Variants in MYCBP2 observed in about 807,000 individuals in gnomAD.
MYCBP2 encodes E3 ubiquitin-protein ligase MYCBP2.
MYCBP2 carries 120 observed loss-of-function variants against 525.3 expected under a neutral mutation model. The ratio of observed to expected loss-of-function variants is 0.23; its 90% CI spans 0.20 to 0.27. The LOEUF (loss-of-function observed/expected upper bound fraction) is 0.27. MYCBP2 is among the 10% of genes least tolerant of loss of function. The pLI is 1.00. For missense variants in MYCBP2, 4,149 were observed against 5,657.1 expected (o/e 0.73, Z 8.55); for synonymous variants, 1,894 against 1,955.8 (o/e 0.97, Z 0.83).
At chr13:77,124,557 T>C (rs2051323226) in intron 54 of MYCBP2, among the ~76,000 whole-genome samples, 1 of 152,202 alleles carries the variant, frequency 6.6e-6, no homozygotes, top group South Asian at 2.1e-4. Flanking sequence ...GCAACTAGTA[T>C]GTGTCAAAAC....
chr13:77,130,826 A>T (rs1448164214), intron 52 of MYCBP2, among the ~76,000 whole-genome samples: 1 of 152,174 alleles, frequency 6.6e-6, no homozygotes, highest in African/African-American at 2.4e-5. Context: ...TTATTCTAGT[A>T]TTAAAGTAAC....
chr13:77,083,776 A>C (rs972255482), intron 62 of MYCBP2, among the ~76,000 whole-genome samples: 3 of 152,106 alleles, frequency 2.0e-5, no homozygotes, highest in African/African-American at 7.2e-5. Context: ...TTTTGAGTAG[A>C]TAACACACAT....
At chr13:77,062,787 G>T in intron 73 of MYCBP2, 90 bp from the exon 74 acceptor site, 1 of 1,005,468 alleles carries the variant, frequency 9.9e-7, no homozygotes, top group Admixed American at 2.0e-5. Flanking sequence ...CTCAATAAAT[G>T]CTGGCTGATT....
intron 26 of MYCBP2, among the ~76,000 whole-genome samples, chr13:77,200,687 G>A (rs1056366825): frequency 1.7e-4 from 26 of 152,214 alleles, no homozygotes; most frequent in South Asian, 6.2e-4. Context: ...GACTAACAGC[G>A]GATCTCTCAG....
At chr13:77,152,031 T>C (rs1288624464) in intron 46 of MYCBP2, among the ~76,000 whole-genome samples, 1 of 152,118 alleles carries the variant, frequency 6.6e-6, no homozygotes, top group Non-Finnish European at 1.5e-5. Flanking sequence ...GTCACAGAAA[T>C]AGAAAAAGTG....
At chr13:77,091,525 T>G (rs1184744105) in intron 59 of MYCBP2, among the ~76,000 whole-genome samples, 1 of 152,110 alleles carries the variant, frequency 6.6e-6, no homozygotes, top group Non-Finnish European at 1.5e-5. Context: ...ATGGCTACCC[T>G]GAGCCAGGTA....
At chr13:77,246,382 T>G (rs1042367326) in intron 15 of MYCBP2, among the ~76,000 whole-genome samples, 6 of 151,280 alleles carry the variant, frequency 4.0e-5, no homozygotes, top group African/African-American at 1.2e-4. Context: ...TCCAAAAAAC[T>G]GAAGAGGAGA....
rs1159339613 is a variant in MYCBP2 at position 77,273,619 on chromosome 13, C to T, written c.798G>A (p.Met266Ile). The T allele has an allele frequency of 1.9e-6, 3 of 1,579,270 alleles. No individual in the cohort carries two copies. The highest frequency in any genetic ancestry group is 2.4e-5 in the South Asian group (2 of 84,428). ...TTAAGGACTGTCCTGTGCTGTCATT[C>T]ATCCCAGTACTTCGAACGGTGATTT... ...LLEITVRSTG[M>I]NDSTGQSLTA... Residue 266 changes from methionine (M) to isoleucine (I), a missense_variant, in exon 5 of 83, where the codon ATG (methionine) becomes ATA (isoleucine). Met to Ile is a conservative substitution (Grantham distance 10). Transcript: ENST00000544440.
intron 50 of MYCBP2, among the ~76,000 whole-genome samples, chr13:77,140,445 ATTTC>A (rs1566678339): frequency 6.6e-6 from 1 of 152,160 alleles, no homozygotes. Context: ...GATAAAAACC[ATTTC>A]TTTCTGTTAG....
At position 77,326,856 on chromosome 13, in the gene MYCBP2, C is replaced by G; in HGVS notation, c.-81G>C. ...ACGCGCGCGCACACACAGCCCTTTT[C>G]CAACGACGACGGCTCCGGCGGCGGC... On this transcript the variant is annotated 5_prime_UTR_variant, in exon 1 of 83. Coordinates refer to ENST00000544440, the MANE Select transcript of MYCBP2 (RefSeq NM_015057.5). This position sits in a 1 kb window ranked among gnomAD's most constrained non-coding sequence, Gnocchi z 4.2. 2 of 1,298,294 alleles carry G rather than the reference C, an allele frequency of 1.5e-6. No individual in the cohort carries two copies. The highest frequency in any genetic ancestry group is 3.1e-5 in the East Asian group (1 of 32,258). 80.4% of individuals were successfully genotyped at this position (1,298,294 alleles called of 1,614,324 possible). A position where few individuals can be genotyped will look rare whatever the true frequency, so the allele number is the denominator to read the frequency against.
chr13:77,125,960 C>T (rs558321690), intron 53 of MYCBP2, among the ~76,000 whole-genome samples: 6 of 152,064 alleles, frequency 3.9e-5, no homozygotes, highest in Admixed American at 3.9e-4. Context: ...TGAATGGGAA[C>T]AAAGAAATGA....
intron 49 of MYCBP2, chr13:77,144,195 G>C (rs1429143142): frequency 1.7e-5 from 8 of 474,678 alleles, no homozygotes; most frequent in Non-Finnish European, 3.1e-5. Flanking sequence ...GAGCACACCT[G>C]ACTAGTAACA....
rs527510417 is a variant in MYCBP2 at position 77,258,229 on chromosome 13, T to C, written c.2018-400A>G. ...AAAGTAAAATACTTGCCATAGTATA[T>C]TGACATGAAATTGTTTATGTAGAAA... is the stretch of plus-strand genomic sequence containing the variant. On this transcript the variant is annotated intron_variant, in intron 13 of 82. Transcript: ENST00000544440. 8.5e-5 allele frequency among the ~76,000 whole-genome samples: 13 copies of C among 152,358 alleles called. 1 individual carries two copies. Among genetic ancestry groups the C allele is most frequent in the African/African-American group, 3.1e-4 (13 of 41,582 alleles).
Position 77,090,131 on chromosome 13 carries a change from T to C in MYCBP2, c.10500A>G (p.Arg3500=). 1 of 1,612,076 alleles carries C rather than the reference T, an allele frequency of 6.2e-7. No homozygotes were observed. The highest frequency in any genetic ancestry group is 8.5e-7 in the Non-Finnish European group (1 of 1,178,926). ...CAGTGTCTCCACTGTTAACTCTTCT[T>C]CTAGGAATAGCTTTAACTCGTGCAG... ...ILPARVKAIP[R]RRVNSGDTEV... Residue 3500 remains arginine (R), a synonymous_variant, in exon 60 of 83, where the codon AGA becomes AGG. Coordinates refer to ENST00000544440, the MANE Select transcript of MYCBP2 (RefSeq NM_015057.5).
intron 59 of MYCBP2, among the ~76,000 whole-genome samples, chr13:77,092,236 T>A (rs1489995326): frequency 1.3e-5 from 2 of 152,156 alleles, no homozygotes; most frequent in African/African-American, 4.8e-5. Context: ...TGTCTTCCTT[T>A]CCAATGATAC....
intron 18 of MYCBP2, among the ~76,000 whole-genome samples, chr13:77,228,055 T>A (rs145382394): frequency 0.013 from 1,934 of 151,816 alleles, 22 homozygotes; most frequent in Non-Finnish European, 0.019. Context: ...AATATATATT[T>A]TATATATATA....
chr13:77,172,287 A>T (rs2059219469), intron 37 of MYCBP2, among the ~76,000 whole-genome samples: 1 of 152,144 alleles, frequency 6.6e-6, no homozygotes, highest in Non-Finnish European at 1.5e-5. Context: ...GAATTAAAGG[A>T]ACAGAATGAA....
At chr13:77,061,617 A>G in intron 75 of MYCBP2, 45 bp downstream of exon 75, 1 of 1,589,952 alleles carries the variant, frequency 6.3e-7, no homozygotes, top group African/African-American at 1.4e-5. Flanking sequence ...ATTTATTTCA[A>G]AATTCACTGA....
At chr13:77,202,899 A>T (rs1762546101) in intron 26 of MYCBP2, among the ~76,000 whole-genome samples, 1 of 152,222 alleles carries the variant, frequency 6.6e-6, no homozygotes, top group Non-Finnish European at 1.5e-5. Context: ...ATATTTCAAA[A>T]TAATAAGAGC....
Sources: allele counts gnomAD v4.1 joint callset (sites outside exome capture counted in the v4.1 genomes callset), GRCh38; gene constraint gnomAD v4.1.1; non-coding constraint Gnocchi (gnomAD v3.1); transcripts MANE v1.5; gene names NCBI Gene and HGNC (gene_info 2026-07-23, HGNC 2026-07-21).